CCDC201: variants seen among roughly 807,000 people sequenced by gnomAD.
CCDC201 encodes coiled-coil domain-containing protein 201.
At chr7:45,860,085 T>A (rs1405101881) in exon 3 of CCDC201, 1 of 155,636 alleles carries the variant, frequency 6.4e-6, no homozygotes, top group African/African-American at 2.4e-5. Context: ...TATCATTAGT[T>A]CTTACAGGTT....
chr7:45,878,944 T>A, the CCDC201 span, among the ~76,000 whole-genome samples: 13 of 152,270 alleles, frequency 8.5e-5, no homozygotes, highest in Non-Finnish European at 4.4e-5. Flanking sequence ...TCTTTGCACA[T>A]GCATATGAGC....
upstream of CCDC201, among the ~76,000 whole-genome samples, chr7:45,878,038 T>C (rs1786835395): frequency 6.6e-6 from 1 of 152,186 alleles, no homozygotes; most frequent in Admixed American, 6.5e-5. Context: ...TCAGGCCCCA[T>C]GCAAGTCTGA....
intron 1 of CCDC201, among the ~76,000 whole-genome samples, chr7:45,867,621 G>A (rs922457482): frequency 6.6e-4 from 101 of 152,210 alleles, no homozygotes; most frequent in African/African-American, 2.3e-3. Context: ...AATGCAGAAT[G>A]TACCTAGGAG....
At chr7:45,874,880 G>C (rs753106335), upstream of CCDC201, among the ~76,000 whole-genome samples, 4 of 152,212 alleles carry the variant, frequency 2.6e-5, no homozygotes, top group African/African-American at 4.8e-5. Flanking sequence ...GGATGGCCTT[G>C]AACCAGCAAT....
intron 1 of CCDC201, among the ~76,000 whole-genome samples, chr7:45,869,428 A>G (rs956823157): frequency 6.6e-6 from 1 of 152,252 alleles, no homozygotes; most frequent in Non-Finnish European, 1.5e-5. Flanking sequence ...AGGCTTACCC[A>G]GGAGCAACTG....
At chr7:45,877,973 A>T (rs897656555), upstream of CCDC201, among the ~76,000 whole-genome samples, 1 of 152,180 alleles carries the variant, frequency 6.6e-6, no homozygotes, top group South Asian at 2.1e-4. Flanking sequence ...CCAAGATACA[A>T]TGGGGGTACA....
chr7:45,871,002 CAG>C (rs1786736987), intron 1 of CCDC201, among the ~76,000 whole-genome samples: 1 of 152,134 alleles, frequency 6.6e-6, no homozygotes, highest in South Asian at 2.1e-4. Flanking sequence ...TTTTTATTAA[CAG>C]AAACTACTTT....
At chr7:45,884,020 T>A in the CCDC201 span, among the ~76,000 whole-genome samples, 7 of 57,466 alleles carry the variant, frequency 1.2e-4, no homozygotes, top group Non-Finnish European at 2.9e-4. Context: ...TTTCTTTCTC[T>A]CTCTTTCTTC....
At chr7:45,869,819 ATTT>A (rs113136055) in intron 1 of CCDC201, among the ~76,000 whole-genome samples, 1 of 140,782 alleles carries the variant, frequency 7.1e-6, no homozygotes, top group Admixed American at 7.2e-5. Flanking sequence ...GTTGCTCCAC[ATTT>A]TTTTTTTTTT....
chr7:45,879,994 G>A, the CCDC201 span, among the ~76,000 whole-genome samples: 1 of 152,142 alleles, frequency 6.6e-6, no homozygotes, highest in Non-Finnish European at 1.5e-5. Context: ...GCTGAGGCAG[G>A]AGAATCACTT....
chr7:45,879,897 C>T, the CCDC201 span, among the ~76,000 whole-genome samples: 1 of 152,104 alleles, frequency 6.6e-6, no homozygotes, highest in Non-Finnish European at 1.5e-5. Flanking sequence ...ACCAGCCTGG[C>T]CAACATGGTG....
chr7:45,875,360 T>G (rs1385137846), upstream of CCDC201, among the ~76,000 whole-genome samples: 2 of 146,618 alleles, frequency 1.4e-5, no homozygotes, highest in African/African-American at 2.5e-5. Flanking sequence ...CCAGGCATGG[T>G]GGTGTGCACT....
chr7:45,883,671 C>T, the CCDC201 span, among the ~76,000 whole-genome samples: 1 of 152,208 alleles, frequency 6.6e-6, no homozygotes, highest in African/African-American at 2.4e-5. Flanking sequence ...TCTAACTCTT[C>T]CTCTCACCAG....
chr7:45,882,305 C>T, the CCDC201 span, among the ~76,000 whole-genome samples: 9 of 152,202 alleles, frequency 5.9e-5, no homozygotes, highest in South Asian at 2.1e-4. Flanking sequence ...TTGGCAGGAA[C>T]GAGCCACCGT....
the CCDC201 span, among the ~76,000 whole-genome samples, chr7:45,878,659 C>A: frequency 1.3e-5 from 2 of 152,256 alleles, no homozygotes; most frequent in African/African-American, 4.8e-5. Context: ...CAGCAGGGCC[C>A]TCAGCCTGGC....
At chr7:45,883,483 T>C in the CCDC201 span, among the ~76,000 whole-genome samples, 3 of 152,026 alleles carry the variant, frequency 2.0e-5, no homozygotes, top group Non-Finnish European at 2.9e-5. Flanking sequence ...GCCATGAAGA[T>C]ATAACTGAGG....
chr7:45,863,574 G>A (rs1222812064), intron 2 of CCDC201, among the ~76,000 whole-genome samples: 3 of 152,138 alleles, frequency 2.0e-5, no homozygotes, highest in South Asian at 2.1e-4. Context: ...CCTCTTCTAG[G>A]AGGGTGTTTA....
upstream of CCDC201, among the ~76,000 whole-genome samples, chr7:45,873,596 C>T (rs1393067643): frequency 1.3e-5 from 2 of 152,152 alleles, no homozygotes; most frequent in Admixed American, 6.5e-5. Flanking sequence ...GGCAGGGACC[C>T]GTGATTGGTA....
At chr7:45,860,354 C>G (rs1786582718) in exon 3 of CCDC201, 1 of 152,272 alleles carries the variant, frequency 6.6e-6, no homozygotes, top group Non-Finnish European at 1.5e-5. Context: ...TTCAGGCTAT[C>G]TGATGTGTAT....
Sources: allele counts gnomAD v4.1 joint callset (sites outside exome capture counted in the v4.1 genomes callset), GRCh38; gene constraint gnomAD v4.1.1; transcripts MANE v1.5; gene names NCBI Gene and HGNC (gene_info 2026-07-23, HGNC 2026-07-21).